The following SAMD4A variants were observed in gnomAD, a reference collection of about 807,000 sequenced individuals.
The protein encoded by SAMD4A is protein Smaug homolog 1.
In SAMD4A, 33 loss-of-function variants were observed where a neutral mutation model predicts 81.3. The observed-to-expected ratio is 0.41, with a 90% CI of 0.31 to 0.54. SAMD4A has a LOEUF of 0.54. SAMD4A is among the 20% of genes least tolerant of loss of function. The probability of loss-of-function intolerance (pLI) is 0.37; values close to 1 mark genes in which losing one functional copy is unlikely to be tolerated. For synonymous variants in SAMD4A, 389 were observed against 382.1 expected (o/e 1.02, Z -0.21); for missense variants, 854 against 951.1 (o/e 0.90, Z 1.34).
chr14:54,770,232 G>C lies in SAMD4A; in HGVS notation c.1715+10G>C. 1 of 1,576,974 alleles carries C rather than the reference G, an allele frequency of 6.3e-7. No homozygotes were observed. Among genetic ancestry groups the C allele is most frequent in the Non-Finnish European group, 8.7e-7 (1 of 1,147,782 alleles). On this transcript the variant is annotated intron_variant, in intron 9 of 12. Coordinates refer to ENST00000554335, the MANE Select transcript of SAMD4A (RefSeq NM_015589.6). ...ATCGACAGCAAAGAAAGTATGTTGG[G>C]ATTTCATTCTTTGTAATGCGTAGTG...
Position 54,737,252 on chromosome 14 carries a change from G to A in SAMD4A, c.944G>A (p.Arg315His), listed in dbSNP as rs778334951. The change falls in exon 4 of 13, where the codon CGT becomes CAT. Residue 315 changes from arginine (R) to histidine (H), a missense_variant. Physicochemically the swap from Arg to His is conservative, Grantham distance 29. Coordinates refer to ENST00000554335, the MANE Select transcript of SAMD4A (RefSeq NM_015589.6). Reference sequence around the variant, plus strand: ...CACTTAGAAGATCAGACCACTGCTCGTAACACATTCCAAGAAGAAGGTAGT... The same window carrying A: ...CACTTAGAAGATCAGACCACTGCTCATAACACATTCCAAGAAGAAGGTAGT... Reference protein sequence around the residue: ...SEHLEDQTTARNTFQEEGSGM... With the variant: ...SEHLEDQTTAHNTFQEEGSGM... 1.6e-5 allele frequency: 26 copies of A among 1,613,918 alleles called. No homozygotes were observed. The highest frequency in any genetic ancestry group is 2.2e-5 in the East Asian group (1 of 44,874).
At chr14:54,596,641 C>T (rs1221155226) in intron 2 of SAMD4A, among the ~76,000 whole-genome samples, 1 of 152,094 alleles carries the variant, frequency 6.6e-6, no homozygotes, top group African/African-American at 2.4e-5. Flanking sequence ...TAGGAGCTGA[C>T]GCCTTAGGCA....
At chr14:54,598,891 G>T (rs1434453401) in intron 2 of SAMD4A, among the ~76,000 whole-genome samples, 1 of 151,712 alleles carries the variant, frequency 6.6e-6, no homozygotes, top group African/African-American at 2.4e-5. Context: ...TGTGATTTCA[G>T]CTCACTGCAG....
intron 3 of SAMD4A, among the ~76,000 whole-genome samples, chr14:54,721,535 A>G (rs2037261900): frequency 6.6e-6 from 1 of 152,184 alleles, no homozygotes. Context: ...TTTTCTTGAT[A>G]GTAATCTTCC....
At chr14:54,604,637 G>A (rs1402526645) in intron 2 of SAMD4A, among the ~76,000 whole-genome samples, 1 of 152,082 alleles carries the variant, frequency 6.6e-6, no homozygotes, top group East Asian at 1.9e-4. Flanking sequence ...GCTTATACAT[G>A]TTGCTTATAA....
intron 4 of SAMD4A, 95 bp from the exon 5 acceptor site, chr14:54,748,720 C>A: frequency 1.3e-6 from 1 of 799,016 alleles, no homozygotes; most frequent in Non-Finnish European, 2.1e-6. Flanking sequence ...CTTTGACCAT[C>A]ACCCTCTTTT....
At chr14:54,694,115 T>C (rs2036520201) in intron 2 of SAMD4A, 1 of 152,476 alleles carries the variant, frequency 6.6e-6, no homozygotes, top group African/African-American at 2.4e-5. Flanking sequence ...GGCTAGATCA[T>C]AGAGGGACTA....
At chr14:54,693,130 G>C (rs1022582443) in intron 2 of SAMD4A, 1 of 152,088 alleles carries the variant, frequency 6.6e-6, no homozygotes, top group Admixed American at 6.5e-5. Context: ...ATTGAAAAGG[G>C]GGGGGTAGTA....
intron 3 of SAMD4A, among the ~76,000 whole-genome samples, chr14:54,732,898 CCTGA>C (rs1365061796): frequency 1.3e-5 from 2 of 152,260 alleles, no homozygotes; most frequent in East Asian, 3.9e-4. Context: ...AACATCTTTT[CCTGA>C]CTCTTATTTC....
chr14:54,704,989 A>T (rs2036817650), intron 3 of SAMD4A, among the ~76,000 whole-genome samples: 1 of 152,184 alleles, frequency 6.6e-6, no homozygotes, highest in African/African-American at 2.4e-5. Context: ...AACGCCTCCT[A>T]GGTCCAAATC....
At chr14:54,575,250 T>A (rs2033254170) in intron 2 of SAMD4A, among the ~76,000 whole-genome samples, 1 of 152,206 alleles carries the variant, frequency 6.6e-6, no homozygotes, top group Non-Finnish European at 1.5e-5. Context: ...CCAGCAGATC[T>A]GGGATCAGAA....
chr14:54,662,865 G>A (rs2035675108), intron 2 of SAMD4A, among the ~76,000 whole-genome samples: 1 of 152,160 alleles, frequency 6.6e-6, no homozygotes, highest in African/African-American at 2.4e-5. Flanking sequence ...AGAGGTCTTG[G>A]ACACCAAAGG....
At chr14:54,671,152 A>G (rs1363756130) in intron 2 of SAMD4A, among the ~76,000 whole-genome samples, 1 of 152,242 alleles carries the variant, frequency 6.6e-6, no homozygotes, top group Admixed American at 6.5e-5. Context: ...AGATCGTAAG[A>G]GAAAGATCAC....
chr14:54,753,187 G>C (rs1006946572), intron 6 of SAMD4A, among the ~76,000 whole-genome samples: 1 of 152,244 alleles, frequency 6.6e-6, no homozygotes, highest in Non-Finnish European at 1.5e-5. Flanking sequence ...GTGTTGGGCT[G>C]GGGGACGGTC....
chr14:54,707,529 C>T (rs1467143035), intron 3 of SAMD4A, among the ~76,000 whole-genome samples: 2 of 152,058 alleles, frequency 1.3e-5, no homozygotes, highest in Non-Finnish European at 2.9e-5. Flanking sequence ...AGCTGCCTTC[C>T]CTTGGGGCAC....
chr14:54,596,435 A>G (rs1400644389), intron 2 of SAMD4A, among the ~76,000 whole-genome samples: 1 of 152,164 alleles, frequency 6.6e-6, no homozygotes, highest in African/African-American at 2.4e-5. Context: ...AAATACAAAA[A>G]TTAGCCAGGC....
At chr14:54,737,416 C>A in intron 4 of SAMD4A, 129 bp downstream of exon 4, 1 of 1,091,334 alleles carries the variant, frequency 9.2e-7, no homozygotes, top group East Asian at 2.5e-5. Context: ...CGCATTTGAT[C>A]TGTCCCTTCC....
intron 2 of SAMD4A, among the ~76,000 whole-genome samples, chr14:54,627,778 A>G (rs568059280): frequency 1.2e-4 from 18 of 152,362 alleles, no homozygotes; most frequent in African/African-American, 4.3e-4. Context: ...CTGCAGGTCA[A>G]AAAGTAATAT....
intron 2 of SAMD4A, among the ~76,000 whole-genome samples, chr14:54,700,057 T>G (rs2036673655): frequency 6.6e-6 from 1 of 152,238 alleles, no homozygotes; most frequent in South Asian, 2.1e-4. Context: ...TCATTTTTAG[T>G]GACTTCTCTT....
Sources: gnomAD v4.1 joint callset for allele counts (sites outside exome capture counted in the v4.1 genomes callset) on GRCh38, gnomAD v4.1.1 for gene constraint, MANE v1.5 for transcripts, NCBI Gene and HGNC (gene_info 2026-07-23, HGNC 2026-07-21) for gene names.